GYS2: variants seen among roughly 807,000 people sequenced by gnomAD.
GYS2 encodes the protein glycogen [starch] synthase, liver.
A neutral mutation model predicts 85.6 loss-of-function variants in GYS2; 80 were observed. The observed-to-expected ratio is 0.93, with a 90% CI of 0.78 to 1.13. The LOEUF is 1.13. Among genes scored for constraint, GYS2 ranks in the 50% most tolerant of loss-of-function variants. GYS2 has a pLI of 0.00. For missense variants in GYS2, 881 were observed against 854.9 expected (o/e 1.03, Z -0.38); for synonymous variants, 328 against 300.7 (o/e 1.09, Z -0.94).
intron 11 of GYS2, 140 bp downstream of exon 11, chr12:21,558,055 CCAAGA>C: frequency 1.5e-6 from 1 of 661,098 alleles, no homozygotes; most frequent in South Asian, 1.8e-5. Context: ...CTTTAGTTAT[CCAAGA>C]CAAGAAACTG....
At chr12:21,598,743 AATACTTAAT>A (rs1207480244) in intron 1 of GYS2, among the ~76,000 whole-genome samples, 3 of 152,146 alleles carry the variant, frequency 2.0e-5, no homozygotes, top group Non-Finnish European at 4.4e-5. Flanking sequence ...TAAAAAAGAA[AATACTTAAT>A]ATCATTAATG....
chr12:21,584,120 C>T (rs913274993), intron 1 of GYS2, among the ~76,000 whole-genome samples: 4 of 152,314 alleles, frequency 2.6e-5, no homozygotes, highest in East Asian at 1.9e-4. Context: ...TGAAGGACAA[C>T]GGTGAAGGGA....
intron 14 of GYS2, 39 bp from the exon 15 acceptor site, chr12:21,539,377 C>G: frequency 9.5e-7 from 1 of 1,053,570 alleles, no homozygotes; most frequent in Middle Eastern, 2.1e-4. Context: ...AATAAAAACC[C>G]TTAGATATCT....
chr12:21,590,343 C>T (rs1248683669), intron 1 of GYS2, among the ~76,000 whole-genome samples: 1 of 152,222 alleles, frequency 6.6e-6, no homozygotes, highest in Non-Finnish European at 1.5e-5. Context: ...AGCAAGTTGT[C>T]TGGGAACCCA....
chr12:21,594,922 A>T (rs1160068674), intron 1 of GYS2, among the ~76,000 whole-genome samples: 1 of 152,196 alleles, frequency 6.6e-6, no homozygotes, highest in Non-Finnish European at 1.5e-5. Flanking sequence ...AAGAGAATAG[A>T]GAACCTAGAA....
At chr12:21,575,735 T>C (rs1268742900) in intron 3 of GYS2, 131 bp downstream of exon 3, 9 of 748,720 alleles carry the variant, frequency 1.2e-5, no homozygotes, top group Middle Eastern at 2.6e-4. Context: ...CAGATTTCTT[T>C]CAATTGTATT....
At chr12:21,564,044 T>C (rs1186109677) in intron 5 of GYS2, among the ~76,000 whole-genome samples, 2 of 152,140 alleles carry the variant, frequency 1.3e-5, no homozygotes, top group Admixed American at 6.6e-5. Flanking sequence ...ACATTCTTGG[T>C]TTTCAAAACA....
chr12:21,540,542 A>G lies in GYS2; in HGVS notation c.1677T>C (p.Ser559=). The G allele has an allele frequency of 1.2e-6, 2 of 1,614,084 alleles. No individual in the cohort carries two copies. Among genetic ancestry groups the G allele is most frequent in the Non-Finnish European group, 1.7e-6 (2 of 1,179,934 alleles). The change falls in exon 14 of 16, where the codon TCT becomes TCC. Residue 559 remains serine, a synonymous_variant. Coordinates refer to ENST00000261195, the MANE Select transcript of GYS2 (RefSeq NM_021957.4). The part of the protein sequence containing the change: ...GIYIVDRRFR[S]PDDSCNQLTK... ...TCAGCTGATTGCAAGAATCATCTGG[A>G]GAACGGAACCGCCTGTCAACGATGT...
intron 11 of GYS2, among the ~76,000 whole-genome samples, chr12:21,551,940 A>C (rs77507118): frequency 0.021 from 3,130 of 152,320 alleles, 63 homozygotes; most frequent in Non-Finnish European, 0.029. Context: ...CCATTTTGGA[A>C]CATGAAAACA....
intron 1 of GYS2, among the ~76,000 whole-genome samples, chr12:21,603,493 T>C (rs1047813116): frequency 6.6e-6 from 1 of 152,156 alleles, no homozygotes. Flanking sequence ...ATATATCACA[T>C]TCTGGTTATT....
chr12:21,590,311 G>A (rs1215315523), intron 1 of GYS2, among the ~76,000 whole-genome samples: 1 of 152,146 alleles, frequency 6.6e-6, no homozygotes, highest in African/African-American at 2.4e-5. Context: ...ACCCAGCCTG[G>A]CTTTGCCTTC....
Position 21,580,405 on chromosome 12 carries a change from C to G in GYS2, c.240G>C (p.Gln80His). The change falls in exon 2 of 16, where the codon CAG becomes CAC. Residue 80 changes from glutamine to histidine, a missense_variant. By Grantham distance (24) the Gln-to-His change is conservative. Coordinates refer to ENST00000261195, the MANE Select transcript of GYS2 (RefSeq NM_021957.4). ...TGACAGCATCATTTACAGGTTCACACTGTTCCACCTGAGTCTTCATATTAT... is the reference window on the plus strand; with the variant it reads ...TGACAGCATCATTTACAGGTTCACAGTGTTCCACCTGAGTCTTCATATTAT... ...FEHNMKTQVE[Q>H]CEPVNDAVRR... is the part of the protein sequence containing the mutation. The G allele has an allele frequency of 6.2e-7, 1 of 1,613,858 alleles. No individual in the cohort carries two copies.
rs1039627705 is a variant in GYS2 at position 21,603,021 on chromosome 12, T to C, written c.121+1451A>G. Among the ~76,000 whole-genome samples, 11 of 152,188 alleles carry C rather than the reference T, an allele frequency of 7.2e-5. No homozygotes were observed. In the East Asian group the frequency reaches 2.1e-3, roughly 29 times the overall value. ...TAGAGAAAACTTTTATTTCAAGGCA[T>C]ACTCCGGGATTCACATGTGATAGAG... On this transcript the variant is annotated intron_variant, in intron 1 of 15. Transcript: ENST00000261195.
intron 12 of GYS2, among the ~76,000 whole-genome samples, chr12:21,543,406 A>G (rs1591778197): frequency 6.6e-6 from 1 of 151,964 alleles, no homozygotes; most frequent in Admixed American, 6.6e-5. Flanking sequence ...GCAGAGGAGG[A>G]AAGTGGGATG....
At chr12:21,591,244 C>A (rs1944635699) in intron 1 of GYS2, among the ~76,000 whole-genome samples, 1 of 151,922 alleles carries the variant, frequency 6.6e-6, no homozygotes. Flanking sequence ...AAAAAGAAAT[C>A]AGAAAAACAA....
At chr12:21,562,312 T>C (rs954727894) in intron 7 of GYS2, among the ~76,000 whole-genome samples, 3 of 152,060 alleles carry the variant, frequency 2.0e-5, no homozygotes, top group East Asian at 3.9e-4. Flanking sequence ...CGAGTGTGTA[T>C]GTGTCTGCCC....
intron 13 of GYS2, among the ~76,000 whole-genome samples, chr12:21,540,869 G>C (rs1439844960): frequency 6.6e-6 from 1 of 152,086 alleles, no homozygotes; most frequent in African/African-American, 2.4e-5. Context: ...AATTTCCAGG[G>C]CGGGGCCTGG....
rs1235818842 is a variant in GYS2 at position 21,540,470 on chromosome 12, A to T, written c.1749T>A (p.Ile583=). The change falls in exon 14 of 16, where the codon ATT becomes ATA. Residue 583 remains isoleucine (I), a synonymous_variant. Coordinates refer to ENST00000261195, the MANE Select transcript of GYS2 (RefSeq NM_021957.4). The part of the protein sequence containing the change: ...GFCKQSRRQR[I]IQRNRTERLS... The stretch of plus-strand genomic sequence containing the variant: ...GCCTCTCAGTTCTGTTCCTCTGGAT[A>T]ATCCTTTGGCGGCGTGACTGTTTGC... 1 of 1,614,046 alleles carries T rather than the reference A, an allele frequency of 6.2e-7. No homozygotes were observed. Among genetic ancestry groups the T allele is most frequent in the East Asian group, 2.2e-5 (1 of 44,860 alleles).
chr12:21,583,291 A>G (rs914896318), intron 1 of GYS2, among the ~76,000 whole-genome samples: 7 of 152,204 alleles, frequency 4.6e-5, no homozygotes, highest in Middle Eastern at 3.2e-3. Flanking sequence ...GCTCTTTGAG[A>G]TATTCCTTCT....
Sources: allele counts gnomAD v4.1 joint callset (sites outside exome capture counted in the v4.1 genomes callset), GRCh38; gene constraint gnomAD v4.1.1; transcripts MANE v1.5; gene names NCBI Gene and HGNC (gene_info 2026-07-23, HGNC 2026-07-21).